The following RNF43 variants were observed in gnomAD, a reference collection of about 807,000 sequenced individuals.
RNF43 encodes ring finger protein 43, also known as E3 ubiquitin-protein ligase RNF43.
Under a neutral mutation model 78.4 loss-of-function variants are expected in RNF43, and 37 were observed. That is an observed-to-expected ratio of 0.47 (90% confidence interval 0.36 to 0.62). The LOEUF (loss-of-function observed/expected upper bound fraction) is 0.62. Among genes scored for constraint, RNF43 ranks in the 20% least tolerant of loss-of-function variants. RNF43 has a pLI of 0.00. For synonymous variants in RNF43, 347 were observed against 395.0 expected, an observed-to-expected ratio of 0.88 and a Z score of 1.44; for missense variants, 774 against 1,007.9, an observed-to-expected ratio of 0.77 and a Z score of 3.14.
At chr17:58,382,047 C>A (rs1990008) in intron 2 of RNF43, among the ~76,000 whole-genome samples, 1 of 151,860 alleles carries the variant, frequency 6.6e-6, no homozygotes, top group African/African-American at 2.4e-5. Context: ...TTTGACCAGC[C>A]CTCAGTCCCC....
intron 3 of RNF43, 133 bp from the exon 4 acceptor site, chr17:58,363,733 T>G: frequency 1.4e-6 from 1 of 714,168 alleles, no homozygotes. Flanking sequence ...CACTCACATC[T>G]ACCTATGCAA....
At chr17:58,393,758 G>C (rs1168830977) in intron 2 of RNF43, among the ~76,000 whole-genome samples, 1 of 152,106 alleles carries the variant, frequency 6.6e-6, no homozygotes, top group African/African-American at 2.4e-5. Context: ...GCCCTGAATA[G>C]AAACACAACT....
intron 2 of RNF43, among the ~76,000 whole-genome samples, chr17:58,392,841 T>C (rs1232521058): frequency 6.6e-6 from 1 of 152,272 alleles, no homozygotes; most frequent in Non-Finnish European, 1.5e-5. Flanking sequence ...ATGTTGCTAT[T>C]ATGGAGCAGC....
At chr17:58,376,780 T>C (rs1476435007) in intron 2 of RNF43, among the ~76,000 whole-genome samples, 1 of 152,068 alleles carries the variant, frequency 6.6e-6, no homozygotes, top group Non-Finnish European at 1.5e-5. Flanking sequence ...CTTGCCTGAT[T>C]TGAGAAGGGT....
intron 3 of RNF43, among the ~76,000 whole-genome samples, chr17:58,367,315 C>T (rs1972978495): frequency 6.6e-6 from 1 of 152,042 alleles, no homozygotes; most frequent in African/African-American, 2.4e-5. Flanking sequence ...CTTATATCAA[C>T]TATTATTAAT....
In RNF43 at chr17:58,416,256, C is replaced by T. The variant is rs147946247; in HGVS notation, c.-385-294G>A. On this transcript the variant is annotated intron_variant, in intron 1 of 9. Coordinates refer to ENST00000407977, the MANE Select transcript of RNF43 (RefSeq NM_017763.6). ...TTCAGTGTGGCCAGGTTTCTAGGCC[C>T]ACTGCATTTACATACTTTTCATGAA... 6.0e-4 allele frequency: 91 copies of T among 152,616 alleles called. No homozygotes were observed. The East Asian group carries it at 0.014, about 23-fold the overall frequency. The allele number at this position is 152,616 out of a possible 1,614,324, so 9.5% of individuals were successfully genotyped here. A position where few individuals can be genotyped will look rare whatever the true frequency, so the allele number is the denominator to read the frequency against.
At chr17:58,359,325 C>T (rs543890186) in intron 8 of RNF43, among the ~76,000 whole-genome samples, 9 of 152,130 alleles carry the variant, frequency 5.9e-5, no homozygotes, top group African/African-American at 1.4e-4. Flanking sequence ...CGGCCGGGCG[C>T]GGTGGCTCAT....
intron 3 of RNF43, among the ~76,000 whole-genome samples, chr17:58,365,691 C>A (rs2143484714): frequency 6.6e-6 from 1 of 152,270 alleles, no homozygotes; most frequent in African/African-American, 2.4e-5. Flanking sequence ...GCTATCTATG[C>A]CTCTTGTCCA....
intron 2 of RNF43, among the ~76,000 whole-genome samples, chr17:58,405,068 CTTTTTTTTT>C (rs35147601): frequency 1.5e-4 from 12 of 79,620 alleles, no homozygotes; most frequent in Admixed American, 4.0e-4. Context: ...TGTAGTACTT[CTTTTTTTTT>C]TTTTTTTTTT....
At chr17:58,384,271 G>A (rs965541903) in intron 2 of RNF43, among the ~76,000 whole-genome samples, 5 of 152,216 alleles carry the variant, frequency 3.3e-5, no homozygotes, top group African/African-American at 1.2e-4. Context: ...GTTCGCATTT[G>A]TCAGGAGATT....
At chr17:58,393,773 G>A (rs755659002) in intron 2 of RNF43, among the ~76,000 whole-genome samples, 3 of 152,158 alleles carry the variant, frequency 2.0e-5, no homozygotes, top group Non-Finnish European at 4.4e-5. Context: ...ACAACTGGAG[G>A]GCCGGGCGCG....
rs768648593 is a variant in RNF43, at chr17:58,357,792, C to T, written c.1984G>A (p.Glu662Lys). 15 of 1,613,984 alleles carry T rather than the reference C, an allele frequency of 9.3e-6. No individual in the cohort carries two copies. Among genetic ancestry groups the T allele is most frequent in the East Asian group, 4.5e-5 (2 of 44,860 alleles). ...PQRKRRGGPSEPTPGSRPQDA... is the reference protein window; with the variant it reads ...PQRKRRGGPSKPTPGSRPQDA... The stretch of plus-strand genomic sequence containing the variant: ...TGGGGCCGAGAGCCAGGGGTGGGCT[C>T]GGAGGGACCCCCCCGCCTTTTCCTC... Residue 662 changes from glutamate to lysine, a missense_variant, in exon 9 of 10, where the codon GAG becomes AAG. Transcript: ENST00000407977. The surrounding 1 kb of genome is among the most constrained non-coding windows in gnomAD (Gnocchi z 4.5).
At chr17:58,410,148 A>T (rs1037894537) in intron 2 of RNF43, among the ~76,000 whole-genome samples, 9 of 152,138 alleles carry the variant, frequency 5.9e-5, no homozygotes, top group African/African-American at 2.2e-4. Flanking sequence ...TTTTTGTTGG[A>T]TACAAATTTT....
At chr17:58,396,966 T>G (rs559872426) in intron 2 of RNF43, among the ~76,000 whole-genome samples, 1 of 152,132 alleles carries the variant, frequency 6.6e-6, no homozygotes, top group East Asian at 1.9e-4. Flanking sequence ...ACTTGTTGAG[T>G]TCCTTTGGTT....
At chr17:58,371,139 T>C in intron 2 of RNF43, 106 bp from the exon 3 acceptor site, 1 of 1,184,582 alleles carries the variant, frequency 8.4e-7, no homozygotes. Context: ...GGCAGGTCTC[T>C]TGGTGCTGTA....
rs922873481 is a variant in RNF43, at chr17:58,360,658, A to G, written c.849+125T>C. 3 of 1,051,338 alleles carry G rather than the reference A, an allele frequency of 2.9e-6. No homozygotes were observed. Among genetic ancestry groups the G allele is most frequent in the Non-Finnish European group, 4.1e-6 (3 of 738,914 alleles). The allele number at this position is 1,051,338 out of a possible 1,614,324, so 65.1% of individuals were successfully genotyped here. A position where few individuals can be genotyped will look rare whatever the true frequency, so the allele number is the denominator to read the frequency against. ...CAGGCTGGTCCCTGATCTCTGCCTC[A>G]TGCAGGACACATGGGAAACAGATGT... On this transcript the variant is annotated intron_variant, in intron 7 of 9. Coordinates refer to ENST00000407977, the MANE Select transcript of RNF43 (RefSeq NM_017763.6). This position sits in a 1 kb window ranked among gnomAD's most constrained non-coding sequence, Gnocchi z 4.3.
chr17:58,390,505 T>C (rs918428496), intron 2 of RNF43, among the ~76,000 whole-genome samples: 4 of 152,196 alleles, frequency 2.6e-5, no homozygotes, highest in African/African-American at 9.7e-5. Context: ...AGTGTAGGAT[T>C]TTATTTCACC....
At chr17:58,353,577 T>TG (rs1200916663), downstream of RNF43, 1 of 207,782 alleles carries the variant, frequency 4.8e-6, no homozygotes, top group Non-Finnish European at 9.8e-6. Context: ...GCCTAGCCTC[T>TG]GATAACATAA....
At chr17:58,382,963 A>C (rs1973353176) in intron 2 of RNF43, among the ~76,000 whole-genome samples, 1 of 152,198 alleles carries the variant, frequency 6.6e-6, no homozygotes, top group South Asian at 2.1e-4. Flanking sequence ...ATTTTTTGAG[A>C]GAAGCCATTT....
Sources: allele counts gnomAD v4.1 joint callset (sites outside exome capture counted in the v4.1 genomes callset), GRCh38; gene constraint gnomAD v4.1.1; non-coding constraint Gnocchi (gnomAD v3.1); transcripts MANE v1.5; gene names NCBI Gene and HGNC (gene_info 2026-07-23, HGNC 2026-07-21).